KCNMA1: variants seen among roughly 807,000 people sequenced by gnomAD.
KCNMA1 encodes Calcium-activated potassium channel subunit alpha-1.
A neutral mutation model predicts 140.0 loss-of-function variants in KCNMA1; 29 were observed. That is an observed-to-expected ratio of 0.21 (90% CI 0.15 to 0.28). The LOEUF is 0.28. Ranked by LOEUF, KCNMA1 falls within the 10% of genes least tolerant of loss-of-function variation. KCNMA1 has a pLI of 1.00. For missense variants in KCNMA1, 880 were observed against 1,602.2 expected (o/e 0.55, Z 7.70); for synonymous variants, 612 against 611.9 (o/e 1.00, Z 0.00).
chr10:77,486,426 C>G (rs185016074), intron 1 of KCNMA1, among the ~76,000 whole-genome samples: 56 of 152,212 alleles, frequency 3.7e-4, no homozygotes, highest in African/African-American at 1.2e-3. Flanking sequence ...TAAAATGGAG[C>G]CAATTATACC....
chr10:77,216,579 T>G, intron 3 of KCNMA1, among the ~76,000 whole-genome samples: 1 of 152,166 alleles, frequency 6.6e-6, no homozygotes, highest in Non-Finnish European at 1.5e-5. Context: ...AGACACTTCC[T>G]GATTTTGGAG....
chr10:77,197,517 C>T (rs2040919664), intron 3 of KCNMA1, among the ~76,000 whole-genome samples: 1 of 152,186 alleles, frequency 6.6e-6, no homozygotes, highest in Non-Finnish European at 1.5e-5. Context: ...TTTCAAGGGA[C>T]ATGGTGGCCT....
intron 1 of KCNMA1, among the ~76,000 whole-genome samples, chr10:77,589,763 G>A (rs1461495339): frequency 1.3e-5 from 2 of 152,124 alleles, no homozygotes; most frequent in Non-Finnish European, 1.5e-5. Flanking sequence ...CCTTCGCGGT[G>A]TTACAGCTCA....
chr10:77,107,465 C>T (rs752647315), intron 9 of KCNMA1, among the ~76,000 whole-genome samples: 3 of 152,132 alleles, frequency 2.0e-5, no homozygotes, highest in Non-Finnish European at 4.4e-5. Flanking sequence ...AAGGTGACTA[C>T]TCCAGAAAAA....
At chr10:77,170,693 A>T (rs1353102482) in intron 5 of KCNMA1, among the ~76,000 whole-genome samples, 1 of 152,208 alleles carries the variant, frequency 6.6e-6, no homozygotes, top group Non-Finnish European at 1.5e-5. Context: ...TTCCTGAATG[A>T]GTTGACCCTA....
chr10:77,330,182 C>T (rs754725118), intron 2 of KCNMA1, among the ~76,000 whole-genome samples: 45 of 152,060 alleles, frequency 3.0e-4, no homozygotes, highest in Non-Finnish European at 5.4e-4. Context: ...ACTGAGTTCA[C>T]CATAAAAAGA....
At chr10:77,581,019 G>C in intron 1 of KCNMA1, among the ~76,000 whole-genome samples, 1 of 152,214 alleles carries the variant, frequency 6.6e-6, no homozygotes, top group East Asian at 1.9e-4. Context: ...CACCTGGGAA[G>C]AATCCATGCT....
At chr10:77,299,304 C>T (rs576744810) in intron 2 of KCNMA1, among the ~76,000 whole-genome samples, 1 of 152,302 alleles carries the variant, frequency 6.6e-6, no homozygotes, top group East Asian at 1.9e-4. Flanking sequence ...GCCTTCCCTC[C>T]CATCTGAAAT....
intron 1 of KCNMA1, among the ~76,000 whole-genome samples, chr10:77,446,717 A>G (rs561978889): frequency 6.6e-6 from 1 of 152,334 alleles, no homozygotes; most frequent in Non-Finnish European, 1.5e-5. Flanking sequence ...TGGGCAGGAA[A>G]GACAGGCTTC....
chr10:77,266,522 A>G (rs150867371), intron 2 of KCNMA1, among the ~76,000 whole-genome samples: 17 of 152,338 alleles, frequency 1.1e-4, no homozygotes, highest in African/African-American at 3.4e-4. Context: ...TGAAGTTGCC[A>G]TGCTAGATTT....
intron 5 of KCNMA1, among the ~76,000 whole-genome samples, chr10:77,158,713 T>G (rs1430477165): frequency 6.6e-6 from 1 of 152,138 alleles, no homozygotes; most frequent in East Asian, 1.9e-4. Flanking sequence ...CAGCAGAGGT[T>G]AAGTTTTGTG....
intron 1 of KCNMA1, among the ~76,000 whole-genome samples, chr10:77,425,692 C>A (rs2096970883): frequency 6.6e-6 from 1 of 152,130 alleles, no homozygotes; most frequent in Non-Finnish European, 1.5e-5. Context: ...ACTCAGCTCC[C>A]CAAGGCTGAA....
intron 3 of KCNMA1, among the ~76,000 whole-genome samples, chr10:77,237,088 A>G (rs2154217672): frequency 6.6e-6 from 1 of 152,304 alleles, no homozygotes; most frequent in South Asian, 2.1e-4. Flanking sequence ...TTGTTTCTTA[A>G]CTTCACTGTG....
At chr10:77,629,636 T>C (rs1031792344) in intron 1 of KCNMA1, among the ~76,000 whole-genome samples, 2 of 152,176 alleles carry the variant, frequency 1.3e-5, no homozygotes, top group Admixed American at 1.3e-4. Context: ...GATGTTCATA[T>C]TCCATGAGAA....
In KCNMA1 at chr10:76,910,109, T is replaced by A. The variant is rs1366832386; in HGVS notation, c.3017-13A>T. The A allele has an allele frequency of 6.2e-7, 1 of 1,613,468 alleles. No individual in the cohort carries two copies. The highest frequency in any genetic ancestry group is 8.5e-7 in the Non-Finnish European group (1 of 1,179,720). ...TTAGTATCGTTCACTAGAAAAAGCATAAAATAAGAATTAGCTCTGAAGACC... is the reference window on the plus strand; with the variant it reads ...TTAGTATCGTTCACTAGAAAAAGCAAAAAATAAGAATTAGCTCTGAAGACC... On this transcript the variant is annotated splice_polypyrimidine_tract_variant and intron_variant, in intron 24 of 27. Transcript: ENST00000286628.
Position 76,938,536 on chromosome 10 carries a change from G to T in KCNMA1, c.2902+6237C>A, listed in dbSNP as rs114430578. Among the ~76,000 whole-genome samples the T allele has an allele frequency of 5.4e-3, 816 of 152,228 alleles. 4 individuals are homozygous for T. The highest frequency in any genetic ancestry group is 0.017 in the African/African-American group (694 of 41,530). ...ACTCCAAACAATGCTTCACAGGGCT[G>T]CCAGATCCATCTCCCTAAAGCTCAG... is the stretch of plus-strand genomic sequence containing the variant. On this transcript the variant is annotated intron_variant, in intron 23 of 27. Coordinates refer to ENST00000286628, the MANE Select transcript of KCNMA1 (RefSeq NM_001161352.2).
At chr10:77,380,398 T>G (rs1029868843) in intron 2 of KCNMA1, among the ~76,000 whole-genome samples, 1 of 152,158 alleles carries the variant, frequency 6.6e-6, no homozygotes, top group Non-Finnish European at 1.5e-5. Flanking sequence ...CAGGTCTTCA[T>G]TCAGCCAGTG....
At chr10:77,353,575 C>G (rs906956130) in intron 2 of KCNMA1, among the ~76,000 whole-genome samples, 3 of 151,462 alleles carry the variant, frequency 2.0e-5, no homozygotes, top group Non-Finnish European at 4.4e-5. Context: ...CAAGTGTTTT[C>G]CATATATATG....
intron 3 of KCNMA1, among the ~76,000 whole-genome samples, chr10:77,201,753 G>T (rs1173548582): frequency 6.6e-6 from 1 of 152,068 alleles, no homozygotes; most frequent in African/African-American, 2.4e-5. Context: ...GCTGATGGAA[G>T]AGTTCTGTAT....
Sources: allele counts gnomAD v4.1 joint callset (sites outside exome capture counted in the v4.1 genomes callset), GRCh38; gene constraint gnomAD v4.1.1; transcripts MANE v1.5; gene names NCBI Gene and HGNC (gene_info 2026-07-23, HGNC 2026-07-21).